The following USH2A variants were observed in gnomAD, a reference collection of about 807,000 sequenced individuals.
USH2A encodes Usher syndrome 2A (autosomal recessive, mild).
USH2A carries 443 observed loss-of-function variants against 538.9 expected under a neutral mutation model. That is an observed-to-expected ratio of 0.82 (90% CI 0.76 to 0.89). The LOEUF is 0.89. Ranked by LOEUF, USH2A falls within the 40% of genes least tolerant of loss-of-function variation. The pLI, the probability that USH2A is intolerant of heterozygous loss-of-function variation, is 0.00. For missense variants in USH2A, 6,633 were observed against 6,324.8 expected (o/e 1.05, Z -1.65); for synonymous variants, 2,413 against 2,273.5 (o/e 1.06, Z -1.75).
At position 216,418,543 on chromosome 1, in the gene USH2A, C is replaced by T. The variant is rs1255561988; in HGVS notation, c.622G>A (p.Val208Met). Residue 208 changes from valine to methionine, a missense_variant, in exon 3 of 72, where the codon GTG becomes ATG. Transcript: ENST00000307340. ...IKVMTLGRIL[V>M]KKWIHLSVQV... ...ACACTAAGATGAATCCATTTCTTCA[C>T]AAGAATTCTCCCCAGTGTCATTACT... is the stretch of plus-strand genomic sequence containing the variant. 1 of 1,613,084 alleles carries T rather than the reference C, an allele frequency of 6.2e-7. No homozygotes were observed. Among genetic ancestry groups the T allele is most frequent in the Non-Finnish European group, 8.5e-7 (1 of 1,179,512 alleles).
intron 9 of USH2A, among the ~76,000 whole-genome samples, chr1:216,312,559 T>C (rs944272976): frequency 2.0e-5 from 3 of 152,160 alleles, no homozygotes; most frequent in Non-Finnish European, 4.4e-5. Flanking sequence ...TTATCAGCTG[T>C]CCCCAAATAT....
At chr1:216,278,138 G>A (rs1386278173) in intron 11 of USH2A, among the ~76,000 whole-genome samples, 1 of 152,042 alleles carries the variant, frequency 6.6e-6, no homozygotes, top group Non-Finnish European at 1.5e-5. Context: ...TGCTATTATG[G>A]CTATTTAGGG....
At chr1:215,866,023 T>C (rs1664459000) in intron 44 of USH2A, among the ~76,000 whole-genome samples, 1 of 152,226 alleles carries the variant, frequency 6.6e-6, no homozygotes. Context: ...TTTCATCTTT[T>C]TATATCATCA....
At chr1:215,923,899 A>T (rs6664928) in intron 38 of USH2A, among the ~76,000 whole-genome samples, 127,471 of 151,814 alleles carry the variant, frequency 0.84, 53,693 homozygotes, top group African/African-American at 0.89. Flanking sequence ...TCTTCTTTTT[A>T]AAATTTAAAT....
At chr1:216,279,564 G>T (rs1404132331) in intron 11 of USH2A, among the ~76,000 whole-genome samples, 1 of 152,060 alleles carries the variant, frequency 6.6e-6, no homozygotes, top group African/African-American at 2.4e-5. Context: ...TTTTACACAT[G>T]TAAAATCTGA....
chr1:215,949,689 C>A (rs547150298), intron 37 of USH2A, among the ~76,000 whole-genome samples: 5 of 151,576 alleles, frequency 3.3e-5, no homozygotes, highest in Admixed American at 6.6e-5. Flanking sequence ...CAACTGTAGA[C>A]GGAGAAAATA....
At chr1:216,369,033 C>A (rs1204246594) in intron 3 of USH2A, among the ~76,000 whole-genome samples, 1 of 152,032 alleles carries the variant, frequency 6.6e-6, no homozygotes, top group Non-Finnish European at 1.5e-5. Flanking sequence ...ATATAAGGAA[C>A]ATCATTTTGA....
At chr1:216,296,672 G>C (rs992869450) in intron 9 of USH2A, among the ~76,000 whole-genome samples, 1 of 151,956 alleles carries the variant, frequency 6.6e-6, no homozygotes, top group African/African-American at 2.4e-5. Context: ...TGACTGTTAG[G>C]TGATGATTTG....
intron 43 of USH2A, among the ~76,000 whole-genome samples, chr1:215,871,760 G>A (rs536980972): frequency 7.9e-5 from 12 of 152,212 alleles, no homozygotes; most frequent in East Asian, 7.7e-4. Context: ...CTTTGAACAC[G>A]CATCAGATGA....
Position 216,165,553 on chromosome 1 carries a change from C to T in USH2A, c.4627+9699G>A, listed in dbSNP as rs576501274. Among the ~76,000 whole-genome samples the T allele has an allele frequency of 2.3e-4, 35 of 152,238 alleles. 1 individual carries two copies. Among genetic ancestry groups the T allele is most frequent in the Admixed American group, 2.2e-3 (34 of 15,262 alleles). ...AAACAAATTGAGTTATCACTCTAAACCATCAATACTTTCAAAAACGTGGAT... is the reference window on the plus strand; with the variant it reads ...AAACAAATTGAGTTATCACTCTAAATCATCAATACTTTCAAAAACGTGGAT... On this transcript the variant is annotated intron_variant, in intron 21 of 71. Transcript: ENST00000307340.
At chr1:216,399,983 G>A (rs941976246) in intron 3 of USH2A, among the ~76,000 whole-genome samples, 2 of 151,966 alleles carry the variant, frequency 1.3e-5, no homozygotes, top group African/African-American at 4.8e-5. Flanking sequence ...CTCATACTAC[G>A]ATACCCAAAA....
At chr1:215,882,208 A>G (rs1462467470) in intron 41 of USH2A, among the ~76,000 whole-genome samples, 1 of 152,192 alleles carries the variant, frequency 6.6e-6, no homozygotes, top group Non-Finnish European at 1.5e-5. Context: ...CAGGCCTCGG[A>G]ACCCTCATGT....
intron 11 of USH2A, among the ~76,000 whole-genome samples, chr1:216,284,224 C>T (rs75494803): frequency 0.013 from 2,000 of 151,900 alleles, 25 homozygotes; most frequent in Middle Eastern, 0.078. Flanking sequence ...TCGCTGTGTC[C>T]CCACCCAAAT....
intron 62 of USH2A, among the ~76,000 whole-genome samples, chr1:215,676,496 G>C (rs1167647855): frequency 5.9e-5 from 9 of 152,174 alleles, no homozygotes; most frequent in Non-Finnish European, 4.4e-5. Context: ...TGACTCTCAA[G>C]AGGGGACAGG....
chr1:215,648,763 A>T lies in USH2A; in HGVS notation c.14347T>A (p.Ser4783Thr). 1 of 1,613,688 alleles carries T rather than the reference A, an allele frequency of 6.2e-7. No homozygotes were observed. The highest frequency in any genetic ancestry group is 1.7e-5 in the Admixed American group (1 of 60,020). Residue 4783 changes from serine to threonine, a missense_variant, in exon 66 of 72, where the codon TCC (serine) becomes ACC (threonine). Ser to Thr is a moderately conservative substitution (Grantham distance 58, BLOSUM62 1). Coordinates refer to ENST00000307340, the MANE Select transcript of USH2A (RefSeq NM_206933.4). ...GTCTGCTGGGTGGCCATGCCTTCGG[A>T]TAGCTGTGGAAGGAAGGAAGGCTAG... Reference protein sequence around the residue: ...SSAHGAETVLSEGMATQQTLH... With the variant: ...SSAHGAETVLTEGMATQQTLH...
chr1:216,029,488 G>C (rs150162150), intron 32 of USH2A, among the ~76,000 whole-genome samples: 3 of 152,080 alleles, frequency 2.0e-5, no homozygotes, highest in African/African-American at 4.8e-5. Context: ...ACATATGTGT[G>C]TGTATAGCCA....
intron 14 of USH2A, among the ~76,000 whole-genome samples, chr1:216,220,967 T>C (rs116540039): frequency 2.0e-5 from 3 of 152,150 alleles, no homozygotes. Context: ...CAAAAGAGAA[T>C]GAGACTTCAA....
chr1:215,761,948 G>A (rs918659625), intron 56 of USH2A, among the ~76,000 whole-genome samples: 1 of 152,100 alleles, frequency 6.6e-6, no homozygotes, highest in African/African-American at 2.4e-5. Flanking sequence ...ACTCCGTACA[G>A]GTTAAGATTT....
chr1:216,342,525 G>C (rs2038094901), intron 4 of USH2A, among the ~76,000 whole-genome samples: 1 of 152,100 alleles, frequency 6.6e-6, no homozygotes, highest in South Asian at 2.1e-4. Flanking sequence ...CTACTAGAAA[G>C]ACACATGCAC....
Sources: allele counts gnomAD v4.1 joint callset (sites outside exome capture counted in the v4.1 genomes callset), GRCh38; gene constraint gnomAD v4.1.1; transcripts MANE v1.5; gene names NCBI Gene and HGNC (gene_info 2026-07-23, HGNC 2026-07-21).